The following VWF variants were observed in gnomAD, a reference collection of about 807,000 sequenced individuals.
VWF encodes Factor VIII related antigen.
A neutral mutation model predicts 308.6 loss-of-function variants in VWF; 176 were observed. That is an observed-to-expected ratio of 0.57 (90% CI 0.50 to 0.65). The LOEUF is 0.65. Among genes scored for constraint, VWF ranks in the 30% least tolerant of loss-of-function variants. VWF has a pLI of 0.00. For synonymous variants in VWF, 1,385 were observed against 1,443.4 expected, an observed-to-expected ratio of 0.96 and a Z score of 0.92; for missense variants, 3,146 against 3,648.2, an observed-to-expected ratio of 0.86 and a Z score of 3.55.
At chr12:5,981,035 G>T (rs758838950) in intron 42 of VWF, among the ~76,000 whole-genome samples, 9 of 152,108 alleles carry the variant, frequency 5.9e-5, no homozygotes, top group Non-Finnish European at 1.2e-4. Context: ...ATTATATTCA[G>T]TTTATAGACT....
intron 50 of VWF, among the ~76,000 whole-genome samples, chr12:5,951,410 T>C (rs1292120417): frequency 6.6e-6 from 1 of 152,188 alleles, no homozygotes; most frequent in East Asian, 1.9e-4. Flanking sequence ...AGCACACTCA[T>C]GAATAGATAT....
chr12:5,964,182 A>G lies in VWF; in HGVS notation c.7887+3304T>C, dbSNP rs545805173. Among the ~76,000 whole-genome samples, 9 of 150,044 alleles carry G rather than the reference A, an allele frequency of 6.0e-5. No individual in the cohort carries two copies. In the East Asian group the frequency reaches 9.7e-4, roughly 16 times the overall value. ...CAGTGAGCCGAGATCTCACCACTGC[A>G]CTCCAGCCTGGGCGACAGAGAGAGA... On this transcript the variant is annotated intron_variant, in intron 47 of 51. Transcript: ENST00000261405.
intron 28 of VWF, 40 bp from the exon 29 acceptor site, chr12:6,016,910 C>G (rs1359711891): frequency 1.2e-6 from 2 of 1,601,086 alleles, no homozygotes; most frequent in Non-Finnish European, 1.7e-6. Context: ...CAGGTGCCAG[C>G]AGGGACAATG....
intron 3 of VWF, among the ~76,000 whole-genome samples, chr12:6,116,994 C>T (rs1945373969): frequency 6.6e-6 from 1 of 152,114 alleles, no homozygotes; most frequent in Non-Finnish European, 1.5e-5. Flanking sequence ...TGCCCTGATG[C>T]ACCAATGCCA....
At chr12:5,980,188 A>AGG (rs1565817236) in intron 42 of VWF, among the ~76,000 whole-genome samples, 1 of 100,820 alleles carries the variant, frequency 9.9e-6, no homozygotes, top group Non-Finnish European at 2.0e-5. Flanking sequence ...GGAGGGAGGG[A>AGG]AGGAAGGAAG....
At chr12:5,989,672 AG>A (rs1409797430) in intron 38 of VWF, among the ~76,000 whole-genome samples, 2 of 152,214 alleles carry the variant, frequency 1.3e-5, no homozygotes, top group Non-Finnish European at 2.9e-5. Context: ...GGGCAGTGAA[AG>A]GGGAAAATAG....
rs1396272640 is a variant in VWF, at chr12:6,075,425, C to T, written c.784G>A (p.Glu262Lys). The T allele has an allele frequency of 1.2e-6, 2 of 1,614,186 alleles. No homozygotes were observed. The highest frequency in any genetic ancestry group is 1.7e-5 in the Admixed American group (1 of 60,030). Residue 262 changes from glutamate (E) to lysine (K), a missense_variant, in exon 7 of 52, where the codon GAG becomes AAG. By Grantham distance (56) the Glu-to-Lys change is moderately conservative. This residue lies in a region of VWF where 1,304 missense variants were observed against 1,353.0 expected (regional missense o/e 0.96). Transcript: ENST00000261405. This position sits in a 1 kb window ranked among gnomAD's most constrained non-coding sequence, Gnocchi z 4.7. Reference sequence around the variant, plus strand: ...TCCAGGAGGGCAGGGCAGGCGCACTCCAGCCCCCCAGCACACTCACACAAA... The same window carrying T: ...TCCAGGAGGGCAGGGCAGGCGCACTTCAGCCCCCCAGCACACTCACACAAA... ...KTLCECAGGL[E>K]CACPALLEYA...
Position 6,052,698 on chromosome 12 carries a change from C to T in VWF, c.2031G>A (p.Glu677=). 1 of 1,614,226 alleles carries T rather than the reference C, an allele frequency of 6.2e-7. No homozygotes were observed. Among genetic ancestry groups the T allele is most frequent in the Non-Finnish European group, 8.5e-7 (1 of 1,180,034 alleles). ...LTCRSLSYPD[E]ECNEACLEGC... Reference sequence around the variant, plus strand: ...CCTCCAGGCAGGCCTCATTGCATTCCTCATCCGGGTAAGAGAGAGAGCGGC... The same window carrying T: ...CCTCCAGGCAGGCCTCATTGCATTCTTCATCCGGGTAAGAGAGAGAGCGGC... The change falls in exon 16 of 52, where the codon GAG becomes GAA. Residue 677 remains glutamate, a synonymous_variant. Transcript: ENST00000261405.
Position 6,046,574 on chromosome 12 carries a change from A to G in VWF, c.2281+149T>C. 3 of 762,266 alleles carry G rather than the reference A, an allele frequency of 3.9e-6. No individual in the cohort carries two copies. In the Admixed American group the frequency reaches 6.4e-5, roughly 16 times the overall value. 47.2% of individuals were successfully genotyped at this position (762,266 alleles called of 1,614,324 possible). A position where few individuals can be genotyped will look rare whatever the true frequency, so the allele number is the denominator to read the frequency against. On this transcript the variant is annotated intron_variant, in intron 17 of 51. Transcript: ENST00000261405. The surrounding 1 kb of genome is among the most constrained non-coding windows in gnomAD (Gnocchi z 5.0). ...GCCTGAAAGTCACTCACACAAACCC[A>G]GAAATGAAGGCGATCCTGGGCGAAG...
At chr12:5,962,837 G>A (rs909537885) in intron 47 of VWF, among the ~76,000 whole-genome samples, 1 of 152,096 alleles carries the variant, frequency 6.6e-6, no homozygotes, top group Non-Finnish European at 1.5e-5. Context: ...GCGTGAGCCA[G>A]CACGCCCGGC....
At chr12:6,096,547 T>C (rs1316071029) in intron 5 of VWF, among the ~76,000 whole-genome samples, 1 of 152,256 alleles carries the variant, frequency 6.6e-6, no homozygotes, top group Non-Finnish European at 1.5e-5. Context: ...CTGTGTCTCT[T>C]ATCTCTAAAT....
intron 18 of VWF, among the ~76,000 whole-genome samples, chr12:6,039,321 T>C (rs1390955620): frequency 6.6e-6 from 1 of 152,210 alleles, no homozygotes; most frequent in African/African-American, 2.4e-5. Context: ...AAGAAAATTA[T>C]AAAGTAGGAA....
intron 3 of VWF, among the ~76,000 whole-genome samples, chr12:6,112,434 T>C (rs1290004971): frequency 1.3e-5 from 2 of 152,104 alleles, no homozygotes; most frequent in Non-Finnish European, 2.9e-5. Context: ...GAGAGTCTGG[T>C]CTCAAGCCTT....
At chr12:6,025,286 A>G (rs1174336789) in intron 24 of VWF, among the ~76,000 whole-genome samples, 1 of 152,244 alleles carries the variant, frequency 6.6e-6, no homozygotes, top group Non-Finnish European at 1.5e-5. Context: ...AGATACTTCA[A>G]TAAGAGAACA....
At chr12:5,950,398 C>T (rs979983398) in intron 50 of VWF, among the ~76,000 whole-genome samples, 6 of 152,076 alleles carry the variant, frequency 3.9e-5, no homozygotes, top group African/African-American at 9.7e-5. Flanking sequence ...GGCCTCTCTT[C>T]GGGTACTGCT....
chr12:6,089,165 C>T (rs988658459), intron 6 of VWF, among the ~76,000 whole-genome samples: 4 of 152,144 alleles, frequency 2.6e-5, no homozygotes, highest in East Asian at 1.9e-4. Context: ...GGGGGCCCTG[C>T]GGGACTACAC....
intron 15 of VWF, among the ~76,000 whole-genome samples, chr12:6,053,855 C>T (rs1429430207): frequency 6.6e-6 from 1 of 152,214 alleles, no homozygotes; most frequent in Admixed American, 6.5e-5. Context: ...AGCCCCAGCT[C>T]AGCGGTCCCA....
intron 6 of VWF, among the ~76,000 whole-genome samples, chr12:6,083,787 A>G (rs1944940662): frequency 6.6e-6 from 1 of 152,184 alleles, no homozygotes; most frequent in Non-Finnish European, 1.5e-5. Context: ...GGGCAGCCAT[A>G]TGACTAAGCA....
chr12:6,019,774 T>C lies in VWF; in HGVS notation c.3675-31A>G, dbSNP rs1329143831. On this transcript the variant is annotated intron_variant, in intron 27 of 51. Transcript: ENST00000261405. This position sits in a 1 kb window ranked among gnomAD's most constrained non-coding sequence, Gnocchi z 5.8. ...GAAAAGAGCGAAGAAATTAAAATGG[T>C]TCAGGAAGAACCTGTGGACACTTCT... The C allele has an allele frequency of 3.8e-6, 6 of 1,587,912 alleles. No homozygotes were observed. The South Asian group carries it at 4.5e-5, about 12-fold the overall frequency.
Sources: allele counts gnomAD v4.1 joint callset (sites outside exome capture counted in the v4.1 genomes callset), GRCh38; gene constraint gnomAD v4.1.1; regional missense constraint gnomAD v4.1.1; non-coding constraint Gnocchi (gnomAD v3.1); transcripts MANE v1.5; gene names NCBI Gene and HGNC (gene_info 2026-07-23, HGNC 2026-07-21).